LPIN2: variants seen among roughly 807,000 people sequenced by gnomAD.
The protein encoded by LPIN2 is lipin 2, also known as phosphatidate phosphatase LPIN2.
LPIN2 carries 55 observed loss-of-function variants against 111.4 expected under a neutral mutation model. That is an observed-to-expected ratio of 0.49 (90% CI 0.40 to 0.62). The LOEUF (loss-of-function observed/expected upper bound fraction) is 0.62. Ranked by LOEUF, LPIN2 falls within the 20% of genes least tolerant of loss-of-function variation. The probability of loss-of-function intolerance (pLI) is 0.00; values close to 1 mark genes in which losing one functional copy is unlikely to be tolerated. For missense variants in LPIN2, 992 were observed against 1,112.1 expected, an observed-to-expected ratio of 0.89 and a Z score of 1.54; for synonymous variants, 425 against 414.0, an observed-to-expected ratio of 1.03 and a Z score of -0.32.
intron 16 of LPIN2, 34 bp from the exon 17 acceptor site, chr18:2,922,233 T>C (rs1568509051): frequency 6.2e-7 from 1 of 1,611,408 alleles, no homozygotes; most frequent in South Asian, 1.1e-5. Flanking sequence ...GCCCACATGT[T>C]CTGGCTAAGG....
Position 2,938,015 on chromosome 18 carries a change from T to A in LPIN2, c.845A>T (p.Asp282Val). Residue 282 changes from aspartate to valine, a missense_variant, in exon 7 of 20, where the codon GAC (aspartate) becomes GTC (valine). Physicochemically the swap from Asp to Val is radical, Grantham distance 152. Around this residue, in one of 4 missense-constraint regions of LPIN2, gnomAD observed 709 missense variants for 753.2 expected, o/e 0.94. Coordinates refer to ENST00000677752, the MANE Select transcript of LPIN2 (RefSeq NM_001375808.2). Reference sequence around the variant, plus strand: ...AATTGTAGCTGTCCTAGGATGATGGTCAGATCGTTCTCTTTTGCTGACCTA... The same window carrying A: ...AATTGTAGCTGTCCTAGGATGATGGACAGATCGTTCTCTTTTGCTGACCTA... ...STKVSKRERS[D>V]HHPRTATITP... is the part of the protein sequence containing the mutation. 4 of 1,614,038 alleles carry A rather than the reference T, an allele frequency of 2.5e-6. No individual in the cohort carries two copies. The highest frequency in any genetic ancestry group is 2.5e-6 in the Non-Finnish European group (3 of 1,179,966).
chr18:2,926,905 G>T, intron 12 of LPIN2, 100 bp from the exon 13 acceptor site: 1 of 884,022 alleles, frequency 1.1e-6, no homozygotes, highest in South Asian at 1.4e-5. Context: ...ACTGCCTTCT[G>T]AACCCACAAC....
At chr18:2,974,957 C>T (rs1294003420) in intron 1 of LPIN2, among the ~76,000 whole-genome samples, 1 of 152,164 alleles carries the variant, frequency 6.6e-6, no homozygotes, top group Admixed American at 6.5e-5. Context: ...CATGTTTGTG[C>T]CACTGCACTC....
intron 16 of LPIN2, 136 bp from the exon 17 acceptor site, chr18:2,922,335 C>T (rs2077068291): frequency 1.9e-5 from 19 of 1,006,912 alleles, no homozygotes; most frequent in South Asian, 4.5e-5. Context: ...AGTGCTGTGG[C>T]GCCATCTCGG....
Position 2,925,107 on chromosome 18 carries a change from G to A in LPIN2, c.1938+117C>T, listed in dbSNP as rs1206815029. ...TTCCACTGTGGATAGGCATTGACACGACCATGCCGTGTGGCGTGTATGCAG... is the reference window on the plus strand; with the variant it reads ...TTCCACTGTGGATAGGCATTGACACAACCATGCCGTGTGGCGTGTATGCAG... On this transcript the variant is annotated intron_variant, in intron 14 of 19. Coordinates refer to ENST00000677752, the MANE Select transcript of LPIN2 (RefSeq NM_001375808.2). This position sits in a 1 kb window ranked among gnomAD's most constrained non-coding sequence, Gnocchi z 4.1. 2.2e-5 allele frequency: 29 copies of A among 1,348,444 alleles called. No homozygotes were observed. The highest frequency in any genetic ancestry group is 2.1e-4 in the East Asian group (9 of 42,580). 83.5% of individuals were successfully genotyped at this position (1,348,444 alleles called of 1,614,324 possible). A position where few individuals can be genotyped will look rare whatever the true frequency, so the allele number is the denominator to read the frequency against.
At chr18:2,982,523 T>G (rs2078126844) in intron 1 of LPIN2, 2 of 298,232 alleles carry the variant, frequency 6.7e-6, no homozygotes, top group Non-Finnish European at 1.4e-5. Flanking sequence ...CACTTAGAAG[T>G]TAATAAAATT....
intron 5 of LPIN2, 129 bp from the exon 6 acceptor site, chr18:2,939,732 A>G: frequency 1.1e-6 from 1 of 920,396 alleles, no homozygotes. Flanking sequence ...AACTCTATGG[A>G]AGGGAGCATC....
intron 8 of LPIN2, among the ~76,000 whole-genome samples, chr18:2,932,937 C>T (rs549201736): frequency 2.0e-5 from 3 of 152,286 alleles, no homozygotes; most frequent in Non-Finnish European, 2.9e-5. Flanking sequence ...GGTAGGCCAA[C>T]GAGATCAGGA....
intron 1 of LPIN2, among the ~76,000 whole-genome samples, chr18:2,971,502 GGAAGA>G (rs909721654): frequency 1.3e-5 from 2 of 152,136 alleles, no homozygotes; most frequent in African/African-American, 4.8e-5. Flanking sequence ...GTTCCGGTAA[GGAAGA>G]GAAAAGTCCC....
rs115208754 is a variant in LPIN2, at chr18:2,963,314, C to G, written c.-9-2465G>C. Among the ~76,000 whole-genome samples the G allele has an allele frequency of 3.1e-3, 469 of 152,100 alleles. 5 individuals carry two copies. Among genetic ancestry groups the G allele is most frequent in the African/African-American group, 0.011 (440 of 41,392 alleles). ...TAGGCATGAGGGATATGTTAAACAGCCTGCTCTTGAAGCAGAATCTAGTGC... is the reference window on the plus strand; with the variant it reads ...TAGGCATGAGGGATATGTTAAACAGGCTGCTCTTGAAGCAGAATCTAGTGC... On this transcript the variant is annotated intron_variant, in intron 1 of 19. Transcript: ENST00000677752.
At chr18:2,971,724 A>G (rs531528239) in intron 1 of LPIN2, among the ~76,000 whole-genome samples, 2 of 148,962 alleles carry the variant, frequency 1.3e-5, no homozygotes, top group East Asian at 4.0e-4. Context: ...GAGGTAAGTG[A>G]AGATACATAT....
At chr18:2,997,531 C>T (rs2078364213) in intron 1 of LPIN2, among the ~76,000 whole-genome samples, 1 of 152,212 alleles carries the variant, frequency 6.6e-6, no homozygotes. Flanking sequence ...GCCACTATGC[C>T]TATAACTCTG....
Position 2,954,603 on chromosome 18 carries a change from T to G in LPIN2, c.193-4A>C. 2 of 1,588,458 alleles carry G rather than the reference T, an allele frequency of 1.3e-6. No individual in the cohort carries two copies. The highest frequency in any genetic ancestry group is 1.7e-6 in the Non-Finnish European group (2 of 1,156,532). ...TGCCGTTGATTTCTATATCAATCTA[T>G]GGGAGAAACAAAGTATGACTTAATG... On this transcript the variant is annotated splice_polypyrimidine_tract_variant and splice_region_variant and intron_variant, in intron 2 of 19. Coordinates refer to ENST00000677752, the MANE Select transcript of LPIN2 (RefSeq NM_001375808.2).
chr18:2,928,995 A>G, intron 10 of LPIN2, 70 bp downstream of exon 10: 1 of 983,444 alleles, frequency 1.0e-6, no homozygotes, highest in South Asian at 1.3e-5. Context: ...TTTTATAAGT[A>G]ACAGTTAAAA....
intron 4 of LPIN2, chr18:2,945,472 G>A: frequency 1.3e-6 from 1 of 767,214 alleles, no homozygotes; most frequent in Non-Finnish European, 2.2e-6. Context: ...AACAAAAGAT[G>A]ACAGCAGCAA....
chr18:3,008,421 GACCA>G (rs2078549257), intron 1 of LPIN2, among the ~76,000 whole-genome samples: 1 of 152,190 alleles, frequency 6.6e-6, no homozygotes, highest in Non-Finnish European at 1.5e-5. Context: ...CAGCCTGGGT[GACCA>G]AGTGAGACCT....
chr18:3,004,903 A>G (rs1017063229), intron 1 of LPIN2, among the ~76,000 whole-genome samples: 2 of 152,212 alleles, frequency 1.3e-5, no homozygotes, highest in Non-Finnish European at 2.9e-5. Context: ...CCAAGTAGGC[A>G]TGGTAGGGCC....
chr18:2,964,956 T>C (rs1006709794), intron 1 of LPIN2, among the ~76,000 whole-genome samples: 2 of 152,212 alleles, frequency 1.3e-5, no homozygotes, highest in African/African-American at 4.8e-5. Context: ...GACAATTATT[T>C]ATGTCCATCT....
rs2077339908 is a variant in LPIN2, at chr18:2,939,484, G to A, written c.818C>T (p.Thr273Ile). ...EWTWGGFPES[T>I]KVSKRERSDH... ...CAGGCAAGTAAACCCTAGTACCTTG[G>A]TGGACTCTGGGAATCCGCCCCACGT... The change falls in exon 6 of 20, where the codon ACC (threonine) becomes ATC (isoleucine). Residue 273 changes from threonine to isoleucine, a missense_variant. Physicochemically the swap from Thr to Ile is moderately conservative, Grantham distance 89. Coordinates refer to ENST00000677752, the MANE Select transcript of LPIN2 (RefSeq NM_001375808.2). The A allele has an allele frequency of 1.9e-6, 3 of 1,613,738 alleles. No homozygotes were observed. Among genetic ancestry groups the A allele is most frequent in the Non-Finnish European group, 2.5e-6 (3 of 1,179,766 alleles).
Sources: gnomAD v4.1 joint callset for allele counts (sites outside exome capture counted in the v4.1 genomes callset) on GRCh38, gnomAD v4.1.1 for gene constraint, gnomAD v4.1.1 regional missense constraint, Gnocchi (gnomAD v3.1) non-coding constraint, MANE v1.5 for transcripts, NCBI Gene and HGNC (gene_info 2026-07-23, HGNC 2026-07-21) for gene names.